Variants in SMYD3 observed in about 807,000 individuals in gnomAD.
The protein encoded by SMYD3 is histone-lysine N-methyltransferase SMYD3.
In SMYD3, 36 loss-of-function variants were observed where a neutral mutation model predicts 57.7. That is an observed-to-expected ratio of 0.62 (90% CI 0.48 to 0.82). SMYD3 has a LOEUF of 0.82. Among genes scored for constraint, SMYD3 ranks in the 40% least tolerant of loss-of-function variants. The pLI, the probability that SMYD3 is intolerant of heterozygous loss-of-function variation, is 0.00. For synonymous variants in SMYD3, 211 were observed against 195.0 expected, an observed-to-expected ratio of 1.08 and a Z score of -0.68; for missense variants, 515 against 538.8, an observed-to-expected ratio of 0.96 and a Z score of 0.44.
chr1:246,330,385 A>C, intron 4 of SMYD3, 95 bp downstream of exon 4: 1 of 1,004,968 alleles, frequency 1.0e-6, no homozygotes, highest in Non-Finnish European at 1.4e-6. Flanking sequence ...CACATTATAA[A>C]GAAACAGAAA....
intron 1 of SMYD3, among the ~76,000 whole-genome samples, chr1:246,407,182 T>C (rs1307885530): frequency 6.6e-6 from 1 of 152,270 alleles, no homozygotes; most frequent in Non-Finnish European, 1.5e-5. Flanking sequence ...AATTTTCAAA[T>C]GTCCACTTTA....
At chr1:245,886,990 A>G (rs1234757573) in intron 8 of SMYD3, among the ~76,000 whole-genome samples, 1 of 152,156 alleles carries the variant, frequency 6.6e-6, no homozygotes, top group Non-Finnish European at 1.5e-5. Flanking sequence ...CCTCTGGGAC[A>G]TTTCACAGGG....
intron 1 of SMYD3, among the ~76,000 whole-genome samples, chr1:246,396,776 T>G (rs2066681389): frequency 6.6e-6 from 1 of 152,222 alleles, no homozygotes; most frequent in Admixed American, 6.5e-5. Flanking sequence ...TGCTTCCGCT[T>G]TGTCTTTCAC....
At chr1:245,886,925 T>G (rs2053118392) in intron 8 of SMYD3, among the ~76,000 whole-genome samples, 2 of 152,244 alleles carry the variant, frequency 1.3e-5, no homozygotes, top group Admixed American at 1.3e-4. Flanking sequence ...CCAGCCTTTA[T>G]CCTCCAGCAA....
In SMYD3 at chr1:245,927,871, C is replaced by G; in HGVS notation, c.702+60G>C. 6 of 1,377,566 alleles carry G rather than the reference C, an allele frequency of 4.4e-6. No individual in the cohort carries two copies. The South Asian group carries it at 5.9e-5, about 14-fold the overall frequency. The allele number at this position is 1,377,566 out of a possible 1,614,324, so 85.3% of individuals were successfully genotyped here. ...GGCACAATCAGTTTTAGGGACGGGCCGAGCTGAGAGGGTCTTTGATAGGAA... is the reference window on the plus strand; with the variant it reads ...GGCACAATCAGTTTTAGGGACGGGCGGAGCTGAGAGGGTCTTTGATAGGAA... On this transcript the variant is annotated intron_variant, in intron 7 of 11. Transcript: ENST00000490107.
chr1:246,354,962 T>C (rs2065887806), intron 2 of SMYD3, 69 bp downstream of exon 2: 2 of 1,394,614 alleles, frequency 1.4e-6, no homozygotes, highest in Non-Finnish European at 2.0e-6. Flanking sequence ...GGCCAACAGG[T>C]ATAGTGAAGG....
chr1:245,856,870 T>C (rs1289530893), intron 10 of SMYD3, among the ~76,000 whole-genome samples: 1 of 152,202 alleles, frequency 6.6e-6, no homozygotes, highest in Non-Finnish European at 1.5e-5. Context: ...ATCTTTTGGA[T>C]GGAGTTTATC....
In SMYD3 at chr1:245,829,751, TGATA is replaced by T. The variant is rs547369426; in HGVS notation, c.1076+28741_1076+28744del. On this transcript the variant is annotated intron_variant, in intron 10 of 11. Transcript: ENST00000490107. ...AGAAAGAGCCCAAATGTCCATCACTTGATAGATAAATATGCAACATTCATAAAAT... is the reference window on the plus strand; with the variant it reads ...AGAAAGAGCCCAAATGTCCATCACTTGATAAATATGCAACATTCATAAAAT... 5.4e-4 allele frequency among the ~76,000 whole-genome samples: 82 copies of T among 152,262 alleles called. No homozygotes were observed. The Middle Eastern group carries it at 0.01, about 19-fold the overall frequency.
At chr1:246,426,515 C>T (rs951334076) in intron 1 of SMYD3, among the ~76,000 whole-genome samples, 3 of 152,190 alleles carry the variant, frequency 2.0e-5, no homozygotes, top group Non-Finnish European at 2.9e-5. Context: ...ATATGACATG[C>T]GGTCTTTTAT....
intron 10 of SMYD3, among the ~76,000 whole-genome samples, chr1:245,856,525 C>T (rs1030264340): frequency 3.3e-5 from 5 of 152,204 alleles, no homozygotes; most frequent in African/African-American, 1.2e-4. Context: ...TGGTGGAGGA[C>T]TTGGCCTCAC....
intron 2 of SMYD3, among the ~76,000 whole-genome samples, chr1:246,344,392 A>G (rs985559241): frequency 1.3e-5 from 2 of 152,140 alleles, no homozygotes; most frequent in Admixed American, 6.5e-5. Context: ...CCCTCAGTAC[A>G]GTGTTTTGAG....
At position 246,140,796 on chromosome 1, in the gene SMYD3, T is replaced by A. The variant is rs147352390; in HGVS notation, c.531+186405A>T. 4.9e-3 allele frequency among the ~76,000 whole-genome samples: 746 copies of A among 152,222 alleles called. 6 individuals are homozygous for A. Among genetic ancestry groups the A allele is most frequent in the Middle Eastern group, 0.024 (7 of 294 alleles). ...CCCCGTTAGAGATGGAGTCTCACTATGTTGCCCAGGCTGCTCTTGAACTCC... is the reference window on the plus strand; with the variant it reads ...CCCCGTTAGAGATGGAGTCTCACTAAGTTGCCCAGGCTGCTCTTGAACTCC... On this transcript the variant is annotated intron_variant, in intron 5 of 11. Transcript: ENST00000490107.
At chr1:245,869,895 T>C (rs1009211879) in intron 8 of SMYD3, among the ~76,000 whole-genome samples, 1 of 152,222 alleles carries the variant, frequency 6.6e-6, no homozygotes, top group Non-Finnish European at 1.5e-5. Context: ...CCTGCTGTAC[T>C]CTATCAGGAA....
At chr1:246,029,860 C>T (rs2059639757) in intron 5 of SMYD3, among the ~76,000 whole-genome samples, 2 of 151,762 alleles carry the variant, frequency 1.3e-5, no homozygotes, top group South Asian at 4.2e-4. Flanking sequence ...GGTGAAAATG[C>T]AGAGAAAAGG....
intron 10 of SMYD3, among the ~76,000 whole-genome samples, chr1:245,771,161 T>TAC (rs2046323097): frequency 6.6e-6 from 1 of 151,898 alleles, no homozygotes; most frequent in African/African-American, 2.4e-5. Flanking sequence ...CATACATACA[T>TAC]ATGGCTGTAA....
chr1:246,215,506 T>A (rs5021681), intron 5 of SMYD3, among the ~76,000 whole-genome samples: 40,206 of 152,066 alleles, frequency 0.26, 6,043 homozygotes, highest in East Asian at 0.58. Context: ...CATTAAATTC[T>A]TCAAGTCTTA....
chr1:246,055,650 T>G (rs1035416426), intron 5 of SMYD3, among the ~76,000 whole-genome samples: 3 of 152,166 alleles, frequency 2.0e-5, no homozygotes, highest in African/African-American at 7.2e-5. Context: ...GGTATATACA[T>G]ACAATGCAAT....
At chr1:246,236,397 CTTT>C (rs768066166) in intron 5 of SMYD3, among the ~76,000 whole-genome samples, 2 of 151,868 alleles carry the variant, frequency 1.3e-5, no homozygotes, top group East Asian at 3.9e-4. Flanking sequence ...ACCTGGCTAA[CTTT>C]TTTTATTTAA....
chr1:246,419,061 G>C (rs367718411), intron 1 of SMYD3, among the ~76,000 whole-genome samples: 2 of 151,608 alleles, frequency 1.3e-5, no homozygotes, highest in Admixed American at 6.6e-5. Context: ...ATATTCCTCC[G>C]CCCTTGAGAA....
Sources: allele counts gnomAD v4.1 joint callset (sites outside exome capture counted in the v4.1 genomes callset), GRCh38; gene constraint gnomAD v4.1.1; transcripts MANE v1.5; gene names NCBI Gene and HGNC (gene_info 2026-07-23, HGNC 2026-07-21).